Variants in CLCF1 observed in about 807,000 individuals in gnomAD.
The protein encoded by CLCF1 is cardiotrophin-like cytokine factor 1.
CLCF1 carries 10 observed loss-of-function variants against 21.2 expected under a neutral mutation model. The ratio of observed to expected loss-of-function variants is 0.47; its 90% CI spans 0.29 to 0.80. CLCF1 has a LOEUF of 0.80. CLCF1 is among the 30% of genes least tolerant of loss of function. The pLI, the probability that CLCF1 is intolerant of heterozygous loss-of-function variation, is 0.09. For synonymous variants in CLCF1, 115 were observed against 120.5 expected, an observed-to-expected ratio of 0.95 and a Z score of 0.30; for missense variants, 240 against 293.4, an observed-to-expected ratio of 0.82 and a Z score of 1.33.
In CLCF1 at chr11:67,367,991, C is replaced by G. The variant is rs893993163; in HGVS notation, c.17-365G>C. ...GCCTAGGGACTGCAGGTCGACCTGC[C>G]TGTGTTCCAGTTGTACCCTAGCTTC... is the stretch of plus-strand genomic sequence containing the variant. On this transcript the variant is annotated intron_variant, in intron 1 of 2. Coordinates refer to ENST00000312438, the MANE Select transcript of CLCF1 (RefSeq NM_013246.3). 8.1e-6 allele frequency: 8 copies of G among 984,600 alleles called. No homozygotes were observed. In the Admixed American group the frequency reaches 2.5e-4, roughly 30 times the overall value. The allele number at this position is 984,600 out of a possible 1,614,324, so 61.0% of individuals were successfully genotyped here. A position where few individuals can be genotyped will look rare whatever the true frequency, so the allele number is the denominator to read the frequency against.
intron 1 of CLCF1, chr11:67,369,711 G>A: frequency 4.1e-6 from 4 of 985,476 alleles, no homozygotes; most frequent in Non-Finnish European, 4.8e-6. Flanking sequence ...ACTGAAGCCG[G>A]AGCTGGGAGC....
intron 1 of CLCF1, chr11:67,370,183 C>T (rs1030951664): frequency 6.1e-6 from 6 of 985,280 alleles, no homozygotes; most frequent in South Asian, 9.4e-5. Flanking sequence ...AAGCCATGCC[C>T]GTGTCTCAGG....
rs1348047269 is a variant in CLCF1 at position 67,370,546 on chromosome 11, C to T, written c.17-2920G>A. On this transcript the variant is annotated intron_variant, in intron 1 of 2. Coordinates refer to ENST00000312438, the MANE Select transcript of CLCF1 (RefSeq NM_013246.3). ...GCTCACGTTTCCTGCAACAGCCCCC[C>T]ACCCCCGGCCAGCCCCTAATTCCAT... 11 of 984,298 alleles carry T rather than the reference C, an allele frequency of 1.1e-5. No homozygotes were observed. The South Asian group carries it at 3.3e-4, about 29-fold the overall frequency. The allele number at this position is 984,298 out of a possible 1,614,324, so 61.0% of individuals were successfully genotyped here.
At chr11:67,367,878 CTG>C (rs1348530104) in intron 1 of CLCF1, 1 of 985,230 alleles carries the variant, frequency 1.0e-6, no homozygotes, top group African/African-American at 1.7e-5. Flanking sequence ...GAGAATGGAT[CTG>C]TGTGTCAGCT....
At chr11:67,373,107 C>T (rs1862275013) in intron 1 of CLCF1, among the ~76,000 whole-genome samples, 1 of 151,634 alleles carries the variant, frequency 6.6e-6, no homozygotes, top group African/African-American at 2.4e-5. Context: ...TCGCCTCCCG[C>T]CGCCCGGCCT....
upstream of CLCF1, chr11:67,373,713 C>CT (rs35544864): frequency 0.24 from 207,235 of 866,528 alleles, 945 homozygotes; most frequent in African/African-American, 0.26. Context: ...ATTCTGCAAA[C>CT]TTTTTTTTTT....
chr11:67,370,633 C>A (rs1590917124), intron 1 of CLCF1: 2 of 980,284 alleles, frequency 2.0e-6, no homozygotes, highest in African/African-American at 3.7e-5. Flanking sequence ...CACACACACT[C>A]TCTCTCTCTT....
In CLCF1 at chr11:67,365,630, G is replaced by C. The variant is rs1001719096; in HGVS notation, c.184C>G (p.Leu62Val). 16 of 1,606,394 alleles carry C rather than the reference G, an allele frequency of 1.0e-5. No individual in the cohort carries two copies. Among genetic ancestry groups the C allele is most frequent in the Middle Eastern group, 1.7e-4 (1 of 6,052 alleles). ...HQLRSLAGTYLNYLGPPFNEP... is the reference protein window; with the variant it reads ...HQLRSLAGTYVNYLGPPFNEP... Reference sequence around the variant, plus strand: ...TTGAAAGGGGGGCCCAGGTAGTTCAGCTGTGAAAAGGAGAGGGTGATGGGG... The same window carrying C: ...TTGAAAGGGGGGCCCAGGTAGTTCACCTGTGAAAAGGAGAGGGTGATGGGG... Residue 62 changes from leucine to valine, a missense_variant and splice_region_variant, in exon 3 of 3, where the codon CTG becomes GTG. Physicochemically the swap from Leu to Val is conservative, Grantham distance 32. Coordinates refer to ENST00000312438, the MANE Select transcript of CLCF1 (RefSeq NM_013246.3). The surrounding 1 kb of genome is among the most constrained non-coding windows in gnomAD (Gnocchi z 5.0).
Position 67,373,539 on chromosome 11 carries a change from T to TG in CLCF1, c.-1dup, listed in dbSNP as rs1862283228. The stretch of plus-strand genomic sequence containing the variant: ...TGGCTCCTACCTGCTCGGAGGTCCA[T>TG]GGGGCTGGGGCCGGGCCGGCCGGGT... On this transcript the variant is annotated 5_prime_UTR_variant, in exon 1 of 3. Coordinates refer to ENST00000312438, the MANE Select transcript of CLCF1 (RefSeq NM_013246.3). 4.3e-6 allele frequency: 6 copies of TG among 1,411,392 alleles called. No individual in the cohort carries two copies. In the East Asian group the frequency reaches 1.8e-4, roughly 42 times the overall value. 87.4% of individuals were successfully genotyped at this position (1,411,392 alleles called of 1,614,324 possible).
chr11:67,365,289 G>A lies in CLCF1; in HGVS notation c.525C>T (p.His175=), dbSNP rs1862071786. 2 of 1,613,802 alleles carry A rather than the reference G, an allele frequency of 1.2e-6. No individual in the cohort carries two copies. The highest frequency in any genetic ancestry group is 3.3e-5 in the Admixed American group (2 of 60,008). ...TEPTWTPGPA[H]SDFLQKMDDF... Reference sequence around the variant, plus strand: ...CGTCCATCTTCTGGAGGAAGTCACTGTGGGCAGGGCCAGGAGTCCAAGTGG... The same window carrying A: ...CGTCCATCTTCTGGAGGAAGTCACTATGGGCAGGGCCAGGAGTCCAAGTGG... The change falls in exon 3 of 3, where the codon CAC becomes CAT. Residue 175 remains histidine (H), a synonymous_variant. Transcript: ENST00000312438. The surrounding 1 kb of genome is among the most constrained non-coding windows in gnomAD (Gnocchi z 5.0).
Position 67,372,984 on chromosome 11 carries a change from G to C in CLCF1, c.16+540C>G, listed in dbSNP as rs1386620545. ...CGTCCGGCCCGGCCCAGCCAGGCTC[G>C]GCGCTGCCCTCCGCCCTCCTCTCCG... On this transcript the variant is annotated intron_variant, in intron 1 of 2. Coordinates refer to ENST00000312438, the MANE Select transcript of CLCF1 (RefSeq NM_013246.3). This position sits in a 1 kb window ranked among gnomAD's most constrained non-coding sequence, Gnocchi z 5.9. 1.3e-5 allele frequency among the ~76,000 whole-genome samples: 2 copies of C among 149,974 alleles called. No individual in the cohort carries two copies. Among genetic ancestry groups the C allele is most frequent in the African/African-American group, 4.9e-5 (2 of 40,872 alleles).
intron 2 of CLCF1, among the ~76,000 whole-genome samples, chr11:67,366,443 G>T (rs1222411360): frequency 2.0e-5 from 3 of 152,200 alleles, no homozygotes; most frequent in African/African-American, 7.2e-5. Flanking sequence ...CACTCCGAAA[G>T]AAGGGTTCAG....
chr11:67,368,591 G>C (rs1725287301), intron 1 of CLCF1: 1 of 985,298 alleles, frequency 1.0e-6, no homozygotes, highest in African/African-American at 1.7e-5. Context: ...ACTTTGGACT[G>C]GCAAAGGCAG....
chr11:67,369,474 C>T, intron 1 of CLCF1: 1 of 985,438 alleles, frequency 1.0e-6, no homozygotes, highest in Non-Finnish European at 1.2e-6. Context: ...TTTCTATCCC[C>T]AGCTCTTGCC....
In CLCF1 at chr11:67,365,303, G is replaced by A; in HGVS notation, c.511C>T (p.Pro171Ser). The change falls in exon 3 of 3, where the codon CCT becomes TCT. Residue 171 changes from proline to serine, a missense_variant. Coordinates refer to ENST00000312438, the MANE Select transcript of CLCF1 (RefSeq NM_013246.3). The surrounding 1 kb of genome is among the most constrained non-coding windows in gnomAD (Gnocchi z 5.0). ...AGGAAGTCACTGTGGGCAGGGCCAG[G>A]AGTCCAAGTGGGTTCAGTCCCAGGC... is the stretch of plus-strand genomic sequence containing the variant. ...PLPGTEPTWT[P>S]GPAHSDFLQK... The A allele has an allele frequency of 4.3e-6, 7 of 1,613,898 alleles. No homozygotes were observed. Among genetic ancestry groups the A allele is most frequent in the Non-Finnish European group, 5.9e-6 (7 of 1,180,042 alleles).
rs1862252275 is a variant in CLCF1 at position 67,372,274 on chromosome 11, C to A, written c.16+1250G>T. Among the ~76,000 whole-genome samples the A allele has an allele frequency of 6.6e-6, 1 of 151,980 alleles. No homozygotes were observed. Among genetic ancestry groups the A allele is most frequent in the African/African-American group, 2.4e-5 (1 of 41,386 alleles). On this transcript the variant is annotated intron_variant, in intron 1 of 2. Transcript: ENST00000312438. The surrounding 1 kb of genome is among the most constrained non-coding windows in gnomAD (Gnocchi z 5.9). Reference sequence around the variant, plus strand: ...CCTCCTCTCCTGGTAGCCCCTCACACCCCGGGGGGAGGGCCAGGCTGGGAG... The same window carrying A: ...CCTCCTCTCCTGGTAGCCCCTCACAACCCGGGGGGAGGGCCAGGCTGGGAG...
At chr11:67,370,500 C>A (rs1195031813) in intron 1 of CLCF1, 7 of 984,744 alleles carry the variant, frequency 7.1e-6, no homozygotes, top group Non-Finnish European at 8.4e-6. Flanking sequence ...CGGCTGAGCA[C>A]GTGAGGAGCT....
chr11:67,373,498 C>G, intron 1 of CLCF1, 26 bp downstream of exon 1: 7 of 1,247,208 alleles, frequency 5.6e-6, no homozygotes, highest in Non-Finnish European at 7.6e-6. Flanking sequence ...GGGCGGGGGT[C>G]GGGGCCTCGG....
In CLCF1 at chr11:67,372,828, GGCCCGGGGGACTCGCGGCC is replaced by G. The variant is rs1215013365; in HGVS notation, c.16+677_16+695del. On this transcript the variant is annotated intron_variant, in intron 1 of 2. Transcript: ENST00000312438. The surrounding 1 kb of genome is among the most constrained non-coding windows in gnomAD (Gnocchi z 5.9). ...ACAATAATCACTCCCAGGCCACGGT[GGCCCGGGGGACTCGCGGCC>G]GCCGCCCGCCGCCCCTACCTGCCGC... Among the ~76,000 whole-genome samples, 2 of 149,854 alleles carry G rather than the reference GGCCCGGGGGACTCGCGGCC, an allele frequency of 1.3e-5. No individual in the cohort carries two copies. The highest frequency in any genetic ancestry group is 4.0e-4 in the East Asian group (2 of 5,030).
Sources: gnomAD v4.1 joint callset for allele counts (sites outside exome capture counted in the v4.1 genomes callset) on GRCh38, gnomAD v4.1.1 for gene constraint, Gnocchi (gnomAD v3.1) non-coding constraint, MANE v1.5 for transcripts, NCBI Gene and HGNC (gene_info 2026-07-23, HGNC 2026-07-21) for gene names.